The following RASEF variants were observed in gnomAD, a reference collection of about 807,000 sequenced individuals.
The protein encoded by RASEF is RAS and EF-hand domain containing.
Under a neutral mutation model 90.1 loss-of-function variants are expected in RASEF, and 68 were observed. The ratio of observed to expected loss-of-function variants is 0.75; its 90% CI spans 0.62 to 0.92. The LOEUF (loss-of-function observed/expected upper bound fraction) is 0.92, where lower values mean the gene tolerates loss of function less well. Among genes scored for constraint, RASEF ranks in the 40% least tolerant of loss-of-function variants. The pLI, the probability that RASEF is intolerant of heterozygous loss-of-function variation, is 0.00. For missense variants in RASEF, 949 were observed against 937.2 expected (o/e 1.01, Z -0.16); for synonymous variants, 331 against 345.2 (o/e 0.96, Z 0.46).
At chr9:83,127,816 A>G in the RASEF span, among the ~76,000 whole-genome samples, 1 of 152,170 alleles carries the variant, frequency 6.6e-6, no homozygotes, top group African/African-American at 2.4e-5. Context: ...AACCTGCAGT[A>G]GCCATTGATG....
In RASEF at chr9:82,982,781, C is replaced by T; in HGVS notation, c.2119G>A (p.Glu707Lys). Residue 707 changes from glutamate to lysine, a missense_variant and splice_region_variant, in exon 17 of 17, where the codon GAA (glutamate) becomes AAA (lysine). By Grantham distance (56) the Glu-to-Lys change is moderately conservative (BLOSUM62 1). Around this residue, in one of 3 missense-constraint regions of RASEF, gnomAD observed 288 missense variants for 328.4 expected, o/e 0.88. Transcript: ENST00000376447. Reference protein sequence around the residue: ...IVEAVLHLAREVKKRTDKDDS... With the variant: ...IVEAVLHLARKVKKRTDKDDS... ...TCCTTGTCAGTTCTCTTTTTCACTTCTCTGAGACAGAGATAGAGAGAGACA... is the reference window on the plus strand; with the variant it reads ...TCCTTGTCAGTTCTCTTTTTCACTTTTCTGAGACAGAGATAGAGAGAGACA... 2 of 1,545,584 alleles carry T rather than the reference C, an allele frequency of 1.3e-6. No individual in the cohort carries two copies. The highest frequency in any genetic ancestry group is 1.8e-6 in the Non-Finnish European group (2 of 1,121,366).
upstream of RASEF, among the ~76,000 whole-genome samples, chr9:83,066,605 C>T (rs1196697654): frequency 6.6e-6 from 1 of 152,150 alleles, no homozygotes; most frequent in Admixed American, 6.5e-5. Flanking sequence ...GAGAGCTTGC[C>T]CATGATTGTC....
chr9:83,209,399 A>C, the RASEF span, among the ~76,000 whole-genome samples: 1 of 152,238 alleles, frequency 6.6e-6, no homozygotes, highest in Admixed American at 6.5e-5. Context: ...TATGGGAGGT[A>C]ATGGATTCAT....
intron 6 of RASEF, 49 bp downstream of exon 6, chr9:83,009,592 T>G (rs777599976): frequency 2.8e-6 from 3 of 1,063,070 alleles, no homozygotes; most frequent in African/African-American, 3.1e-5. Flanking sequence ...GCCTGGATGA[T>G]CATCTCAATA....
Position 83,062,765 on chromosome 9 carries a change from C to A in RASEF, c.103G>T (p.Ala35Ser). The A allele has an allele frequency of 6.4e-7, 1 of 1,561,842 alleles. No homozygotes were observed. Among genetic ancestry groups the A allele is most frequent in the Non-Finnish European group, 8.6e-7 (1 of 1,163,216 alleles). ...SGRLEREEFR[A>S]LCTELRVRPA... is the part of the protein sequence containing the mutation. ...CGCACCCGCAGCTCCGTGCACAGTG[C>A]CCGGAACTCCTCGCGCTCCAGGCGC... The change falls in exon 1 of 17, where the codon GCA (alanine) becomes TCA (serine). Residue 35 changes from alanine (A) to serine (S), a missense_variant. Ala to Ser is a moderately conservative substitution (Grantham distance 99, BLOSUM62 1). Transcript: ENST00000376447.
the RASEF span, among the ~76,000 whole-genome samples, chr9:83,213,280 G>A: frequency 1.3e-5 from 2 of 151,438 alleles, no homozygotes; most frequent in Non-Finnish European, 1.5e-5. Context: ...TGTGCCTGTA[G>A]TCCCAGCTAC....
the RASEF span, among the ~76,000 whole-genome samples, chr9:83,130,174 A>T: frequency 6.6e-6 from 1 of 152,218 alleles, no homozygotes; most frequent in East Asian, 1.9e-4. Flanking sequence ...TGAATCTCAG[A>T]TACCTAAATG....
intron 1 of RASEF, among the ~76,000 whole-genome samples, chr9:83,037,354 G>T (rs975687024): frequency 1.3e-5 from 2 of 151,864 alleles, no homozygotes; most frequent in Non-Finnish European, 2.9e-5. Flanking sequence ...GCACTGGTTT[G>T]TTTTTTTCCC....
chr9:83,038,364 T>A (rs536670108), intron 1 of RASEF, among the ~76,000 whole-genome samples: 2 of 131,368 alleles, frequency 1.5e-5, no homozygotes, highest in South Asian at 5.0e-4. Flanking sequence ...GAGTGTCTTC[T>A]TAATTAAAAA....
At chr9:83,057,846 C>CAT (rs66535022) in intron 1 of RASEF, among the ~76,000 whole-genome samples, 8,682 of 143,222 alleles carry the variant, frequency 0.061, 329 homozygotes, top group Admixed American at 0.13. Flanking sequence ...TTCATATATA[C>CAT]ATATATATAT....
At chr9:83,011,238 T>G (rs1829237081) in intron 5 of RASEF, among the ~76,000 whole-genome samples, 1 of 152,086 alleles carries the variant, frequency 6.6e-6, no homozygotes, top group South Asian at 2.1e-4. Flanking sequence ...GGTGGCAAGT[T>G]TAAAAAACAA....
chr9:83,104,584 G>A, the RASEF span, among the ~76,000 whole-genome samples: 1 of 152,212 alleles, frequency 6.6e-6, no homozygotes, highest in South Asian at 2.1e-4. Flanking sequence ...ATACGTGGTG[G>A]TATCCGTCCA....
the RASEF span, among the ~76,000 whole-genome samples, chr9:83,182,608 A>G: frequency 1.3e-5 from 2 of 152,228 alleles, no homozygotes; most frequent in African/African-American, 4.8e-5. Context: ...GAATTACATC[A>G]TCAGAATTAG....
the RASEF span, among the ~76,000 whole-genome samples, chr9:83,130,075 A>G: frequency 2.0e-5 from 3 of 152,216 alleles, no homozygotes; most frequent in Non-Finnish European, 4.4e-5. Flanking sequence ...TACAAAGTGA[A>G]GAAAAGCAAT....
At chr9:83,118,664 C>T in the RASEF span, among the ~76,000 whole-genome samples, 1 of 152,082 alleles carries the variant, frequency 6.6e-6, no homozygotes, top group African/African-American at 2.4e-5. Context: ...TAGTTTCCAT[C>T]ATCACCACCA....
chr9:83,105,232 A>G, the RASEF span, among the ~76,000 whole-genome samples: 1 of 152,204 alleles, frequency 6.6e-6, no homozygotes, highest in Non-Finnish European at 1.5e-5. Context: ...AATGTTTGAA[A>G]TATCTGCTAC....
At chr9:83,211,303 A>G in the RASEF span, among the ~76,000 whole-genome samples, 5 of 152,092 alleles carry the variant, frequency 3.3e-5, no homozygotes, top group African/African-American at 1.2e-4. Flanking sequence ...TTAGAGCACC[A>G]ATAACATTTT....
the RASEF span, among the ~76,000 whole-genome samples, chr9:83,175,743 G>T: frequency 6.6e-6 from 1 of 152,034 alleles, no homozygotes. Flanking sequence ...GCCATGCCCG[G>T]CTAATTTTTT....
Position 82,999,437 on chromosome 9 carries a change from G to A in RASEF, c.1723+732C>T, listed in dbSNP as rs1201476386. Among the ~76,000 whole-genome samples the A allele has an allele frequency of 2.0e-5, 3 of 152,224 alleles. No individual in the cohort carries two copies. The East Asian group carries it at 5.8e-4, about 29-fold the overall frequency. On this transcript the variant is annotated intron_variant, in intron 12 of 16. Coordinates refer to ENST00000376447, the MANE Select transcript of RASEF (RefSeq NM_152573.4). ...TTGTACCTTTTCCCTCCACTGGGAT[G>A]TAAGTGCAGTGCAGGCTGGGATTGT...
Sources: allele counts gnomAD v4.1 joint callset (sites outside exome capture counted in the v4.1 genomes callset), GRCh38; gene constraint gnomAD v4.1.1; regional missense constraint gnomAD v4.1.1; transcripts MANE v1.5; gene names NCBI Gene and HGNC (gene_info 2026-07-23, HGNC 2026-07-21).